USP34: variants seen among roughly 807,000 people sequenced by gnomAD.
USP34 encodes ubiquitin specific peptidase 34, also known as ubiquitin carboxyl-terminal hydrolase 34.
Under a neutral mutation model 460.3 loss-of-function variants are expected in USP34, and 70 were observed. The observed-to-expected ratio is 0.15, with a 90% CI of 0.13 to 0.19. The LOEUF is 0.19. USP34 is among the 10% of genes least tolerant of loss of function. The pLI is 1.00. For missense variants in USP34, 3,985 were observed against 4,236.2 expected (o/e 0.94, Z 1.65); for synonymous variants, 1,647 against 1,405.3 (o/e 1.17, Z -3.85).
chr2:61,398,681 G>GA (rs1310409372), intron 3 of USP34, among the ~76,000 whole-genome samples: 1 of 152,112 alleles, frequency 6.6e-6, no homozygotes, highest in Non-Finnish European at 1.5e-5. Context: ...ACTTTCATCT[G>GA]AAAAAAGCTA....
rs370021545 is a variant in USP34 at position 61,405,963 on chromosome 2, A to T, written c.297T>A (p.Asn99Lys). The change falls in exon 3 of 80, where the codon AAT (asparagine) becomes AAA (lysine). Residue 99 changes from asparagine to lysine, a missense_variant. Transcript: ENST00000398571. ...CTATATTCAGTGGTTCTTCTGCTTGATTACTCTCATCTTGCCACGTGGAAT... is the reference window on the plus strand; with the variant it reads ...CTATATTCAGTGGTTCTTCTGCTTGTTTACTCTCATCTTGCCACGTGGAAT... ...NIDSTWQDES[N>K]QAEEPLNIDR... 6.2e-7 allele frequency: 1 copy of T among 1,613,368 alleles called. No homozygotes were observed.
chr2:61,393,666 A>G (rs1693423719), intron 5 of USP34, among the ~76,000 whole-genome samples: 1 of 152,102 alleles, frequency 6.6e-6, no homozygotes, highest in Non-Finnish European at 1.5e-5. Context: ...TTCACCCAAT[A>G]TTTTTATTTT....
Position 61,223,070 on chromosome 2 carries a change from A to G in USP34, c.7739T>C (p.Leu2580Pro). The change falls in exon 64 of 80, where the codon CTT becomes CCT. Residue 2580 changes from leucine (L) to proline (P), a missense_variant. Leu to Pro is a moderately conservative substitution (Grantham distance 98). Coordinates refer to ENST00000398571, the MANE Select transcript of USP34 (RefSeq NM_014709.4). ...IFSLCRYNNR[L>P]AEHIVSMLFT... ...TTCCTTAGCACTTACATGTTCTGCA[A>G]GTCGATTATTGTATCGACACAGGCT... 1 of 1,612,450 alleles carries G rather than the reference A, an allele frequency of 6.2e-7. No individual in the cohort carries two copies. The highest frequency in any genetic ancestry group is 1.1e-5 in the South Asian group (1 of 90,916).
chr2:61,355,370 T>A (rs778260706), intron 10 of USP34, among the ~76,000 whole-genome samples: 1 of 152,136 alleles, frequency 6.6e-6, no homozygotes, highest in Non-Finnish European at 1.5e-5. Flanking sequence ...TCCACATGAT[T>A]TAAAAAACAA....
chr2:61,197,440 A>C (rs1435712504), intron 75 of USP34, among the ~76,000 whole-genome samples: 9 of 152,132 alleles, frequency 5.9e-5, no homozygotes, highest in Non-Finnish European at 1.2e-4. Context: ...ATTCATTCCA[A>C]AGTCAGTATT....
At chr2:61,378,312 A>C (rs1692856774) in intron 8 of USP34, 51 bp downstream of exon 8, 2 of 1,309,934 alleles carry the variant, frequency 1.5e-6, no homozygotes, top group Non-Finnish European at 2.1e-6. Flanking sequence ...CCATATAAAC[A>C]ACTGTACATT....
rs992948404 is a variant in USP34, at chr2:61,194,806, A to T, written c.9509-1826T>A. The stretch of plus-strand genomic sequence containing the variant: ...CCGTCTCTAGTAAAAATACAAAACT[A>T]GCAGGGCGTGGTGGCACATCCCTGT... On this transcript the variant is annotated intron_variant, in intron 75 of 79. Transcript: ENST00000398571. Among the ~76,000 whole-genome samples the T allele has an allele frequency of 5.3e-4, 80 of 152,290 alleles. 1 individual carries two copies. Among genetic ancestry groups the T allele is most frequent in the African/African-American group, 1.9e-3 (78 of 41,572 alleles).
At chr2:61,252,394 G>A (rs539283460) in intron 48 of USP34, among the ~76,000 whole-genome samples, 32 of 85,606 alleles carry the variant, frequency 3.7e-4, no homozygotes, top group African/African-American at 1.4e-3. Context: ...AACAATAGCA[G>A]CAGCAGCAGC....
intron 21 of USP34, among the ~76,000 whole-genome samples, chr2:61,323,353 T>C (rs903662864): frequency 2.6e-5 from 4 of 151,444 alleles, no homozygotes; most frequent in Admixed American, 6.6e-5. Context: ...CTACTAAAAA[T>C]ACAAAAAAAA....
In USP34 at chr2:61,241,698, T is replaced by A. The variant is rs1040917278; in HGVS notation, c.6682-43A>T. The A allele has an allele frequency of 2.0e-6, 3 of 1,536,080 alleles. No homozygotes were observed. In the African/African-American group the frequency reaches 4.2e-5, roughly 22 times the overall value. ...AAAATTTATTTTCATTTTGACAAAG[T>A]ATTACTCTAAAAGTAGACAATGCAG... On this transcript the variant is annotated intron_variant, in intron 52 of 79. Transcript: ENST00000398571.
chr2:61,383,828 T>G (rs1015474448), intron 5 of USP34, among the ~76,000 whole-genome samples: 12 of 152,312 alleles, frequency 7.9e-5, no homozygotes, highest in Non-Finnish European at 1.5e-4. Flanking sequence ...ATTACACATG[T>G]ATCAGGAAAT....
chr2:61,291,200 T>C (rs1689840870), intron 33 of USP34, among the ~76,000 whole-genome samples: 1 of 152,128 alleles, frequency 6.6e-6, no homozygotes, highest in Non-Finnish European at 1.5e-5. Flanking sequence ...CATGGAAAGA[T>C]GTTCAACCTC....
chr2:61,283,972 A>G (rs1200392356), intron 35 of USP34, among the ~76,000 whole-genome samples: 1 of 152,132 alleles, frequency 6.6e-6, no homozygotes, highest in Non-Finnish European at 1.5e-5. Flanking sequence ...GTCAAAGGGT[A>G]TGAAGTTCCA....
intron 1 of USP34, among the ~76,000 whole-genome samples, chr2:61,438,623 CA>C (rs60440972): frequency 0.8 from 120,580 of 150,404 alleles, 48,956 homozygotes; most frequent in African/African-American, 0.95. Context: ...AAAACAAAAA[CA>C]AAAAAAAAAC....
chr2:61,411,556 T>C (rs1694041408), intron 2 of USP34, among the ~76,000 whole-genome samples: 1 of 152,154 alleles, frequency 6.6e-6, no homozygotes, highest in South Asian at 2.1e-4. Context: ...TCTTACCAAG[T>C]TTATTTCTTT....
intron 1 of USP34, among the ~76,000 whole-genome samples, chr2:61,448,523 C>T (rs1286013144): frequency 6.6e-6 from 1 of 152,132 alleles, no homozygotes; most frequent in Non-Finnish European, 1.5e-5. Context: ...CTGGGACCTC[C>T]ATGGTTGACA....
Position 61,189,053 on chromosome 2 carries a change from G to A in USP34, c.9890C>T (p.Ala3297Val). ...GGGAGTGTGTACTGACAGGAGCAAA[G>A]CGAGTGCCCTCAGGTCCTACAAAAA... ...ASLNGDLRAL[A>V]LLLSVHTPKQ... The change falls in exon 79 of 80, where the codon GCT becomes GTT. Residue 3297 changes from alanine (A) to valine (V), a missense_variant. Ala to Val is a moderately conservative substitution (Grantham distance 64). Coordinates refer to ENST00000398571, the MANE Select transcript of USP34 (RefSeq NM_014709.4). The A allele has an allele frequency of 6.2e-7, 1 of 1,613,786 alleles. No homozygotes were observed. Among genetic ancestry groups the A allele is most frequent in the Non-Finnish European group, 8.5e-7 (1 of 1,179,924 alleles).
Position 61,467,617 on chromosome 2 carries a change from G to GT in USP34, c.43+3032dup, listed in dbSNP as rs3980937. On this transcript the variant is annotated intron_variant, in intron 1 of 79. Transcript: ENST00000398571. ...CACATTTTGGGAGGACTGTAACTTT[G>GT]TTTTTTTTTTTTTTTTTTTTGAGAT... 8.0e-3 allele frequency among the ~76,000 whole-genome samples: 853 copies of GT among 106,028 alleles called. 39 individuals are homozygous for GT. The highest frequency in any genetic ancestry group is 0.016 in the African/African-American group (440 of 27,682). 69.6% of individuals were successfully genotyped at this position (106,028 alleles called of 152,430 possible).
chr2:61,194,592 G>C (rs755374727), intron 75 of USP34, among the ~76,000 whole-genome samples: 1 of 152,226 alleles, frequency 6.6e-6, no homozygotes, highest in Non-Finnish European at 1.5e-5. Flanking sequence ...TTGAACCGCT[G>C]TGCTCAAGTG....
Sources: allele counts gnomAD v4.1 joint callset (sites outside exome capture counted in the v4.1 genomes callset), GRCh38; gene constraint gnomAD v4.1.1; transcripts MANE v1.5; gene names NCBI Gene and HGNC (gene_info 2026-07-23, HGNC 2026-07-21).